RIPOR3: variants seen among roughly 807,000 people sequenced by gnomAD.
RIPOR3 encodes RIPOR family member 3.
A neutral mutation model predicts 114.3 loss-of-function variants in RIPOR3; 95 were observed. That is an observed-to-expected ratio of 0.83 (90% confidence interval 0.70 to 0.99). The LOEUF (loss-of-function observed/expected upper bound fraction) is 0.99, where lower values mean the gene tolerates loss of function less well. RIPOR3 is among the 50% of genes least tolerant of loss of function. The pLI is 0.00. For missense variants in RIPOR3, 1,252 were observed against 1,266.9 expected, an observed-to-expected ratio of 0.99 and a Z score of 0.18; for synonymous variants, 575 against 543.8, an observed-to-expected ratio of 1.06 and a Z score of -0.80.
chr20:50,594,783 TC>T (rs2083232373), intron 16 of RIPOR3, 69 bp from the exon 17 acceptor site: 1 of 1,537,108 alleles, frequency 6.5e-7, no homozygotes, highest in Non-Finnish European at 8.8e-7. Context: ...CCGAAAGGTT[TC>T]CCTCCACTAG....
rs764576044 is a variant in RIPOR3, at chr20:50,602,115, C to T, written c.1616G>A (p.Arg539Gln). ...RPTDSTQPQL[R>Q]ELEYQVLGFR... Reference sequence around the variant, plus strand: ...GCCGAGGACCTGGTACTCCAGCTCCCGGAGCTGGGGCTGGGTGGAGTCCGT... The same window carrying T: ...GCCGAGGACCTGGTACTCCAGCTCCTGGAGCTGGGGCTGGGTGGAGTCCGT... Residue 539 changes from arginine to glutamine, a missense_variant, in exon 13 of 22, where the codon CGG (arginine) becomes CAG (glutamine). Coordinates refer to ENST00000327979, the MANE Select transcript of RIPOR3 (RefSeq NM_001290268.2). The surrounding 1 kb of genome is among the most constrained non-coding windows in gnomAD (Gnocchi z 4.3). The T allele has an allele frequency of 6.6e-5, 106 of 1,603,348 alleles. No individual in the cohort carries two copies. The highest frequency in any genetic ancestry group is 8.9e-5 in the Non-Finnish European group (104 of 1,174,786).
Position 50,608,508 on chromosome 20 carries a change from C to A in RIPOR3, c.837G>T (p.Ser279=), listed in dbSNP as rs140498431. The A allele has an allele frequency of 6.2e-7, 1 of 1,613,830 alleles. No homozygotes were observed. Among genetic ancestry groups the A allele is most frequent in the East Asian group, 2.2e-5 (1 of 44,864 alleles). ...CACACGTCACTGCACCCACAGCCAG[C>A]GAGCCCAGGCCCCGCAACTCCGTCA... ...IKVTELRGLG[S]LAVGAVTCDI... Residue 279 remains serine, a synonymous_variant, in exon 11 of 22, where the codon TCG becomes TCT. Coordinates refer to ENST00000327979, the MANE Select transcript of RIPOR3 (RefSeq NM_001290268.2).
chr20:50,674,194 C>T (rs959159827), intron 1 of RIPOR3, among the ~76,000 whole-genome samples: 1 of 152,090 alleles, frequency 6.6e-6, no homozygotes, highest in African/African-American at 2.4e-5. Flanking sequence ...ACAGAAAGTA[C>T]AGCCGACTCC....
intron 13 of RIPOR3, 151 bp from the exon 14 acceptor site, chr20:50,597,861 G>T: frequency 8.0e-7 from 1 of 1,247,912 alleles, no homozygotes; most frequent in Non-Finnish European, 1.1e-6. Flanking sequence ...CCAGCCGCTG[G>T]CCCAAGGCGT....
intron 1 of RIPOR3, among the ~76,000 whole-genome samples, chr20:50,654,564 A>G (rs2085741975): frequency 6.6e-6 from 1 of 151,126 alleles, no homozygotes; most frequent in Admixed American, 6.7e-5. Flanking sequence ...AGTCCCCAGC[A>G]CTAAGAGGAC....
Position 50,609,267 on chromosome 20 carries a change from C to T in RIPOR3, c.640+26G>A, listed in dbSNP as rs780282315. On this transcript the variant is annotated intron_variant, in intron 8 of 21. Coordinates refer to ENST00000327979, the MANE Select transcript of RIPOR3 (RefSeq NM_001290268.2). ...GTCTCAGGGCCTCCAGAAAGGCCTC[C>T]GCCCACCCCCTCTCAGCCCTGTTAC... 3.8e-5 allele frequency: 62 copies of T among 1,611,086 alleles called. No individual in the cohort carries two copies. The East Asian group carries it at 9.6e-4, about 25-fold the overall frequency.
intron 2 of RIPOR3, among the ~76,000 whole-genome samples, chr20:50,625,312 T>C (rs1357359501): frequency 6.6e-6 from 1 of 152,242 alleles, no homozygotes; most frequent in South Asian, 2.1e-4. Flanking sequence ...GCTCAAGTGA[T>C]CCGCCTGCCT....
At chr20:50,617,090 C>G (rs1044768604) in intron 3 of RIPOR3, among the ~76,000 whole-genome samples, 1 of 151,942 alleles carries the variant, frequency 6.6e-6, no homozygotes, top group Non-Finnish European at 1.5e-5. Flanking sequence ...TGCAGTGAGC[C>G]GAGATTGCAC....
chr20:50,685,222 AT>A (rs35813074), intron 1 of RIPOR3, among the ~76,000 whole-genome samples: 98 of 127,988 alleles, frequency 7.7e-4, no homozygotes, highest in African/African-American at 1.7e-3. Flanking sequence ...ATGGGATAGA[AT>A]TTTTTTTTTT....
At chr20:50,589,346 C>T (rs2083036817) in intron 20 of RIPOR3, among the ~76,000 whole-genome samples, 1 of 148,044 alleles carries the variant, frequency 6.8e-6, no homozygotes, top group South Asian at 2.1e-4. Context: ...CTTGCTCTGT[C>T]ACCCAGGCTG....
intron 1 of RIPOR3, among the ~76,000 whole-genome samples, chr20:50,649,360 G>A (rs898406746): frequency 1.3e-5 from 2 of 152,150 alleles, no homozygotes; most frequent in South Asian, 2.1e-4. Context: ...CAGGAGAATC[G>A]CTCAAACCCA....
intron 1 of RIPOR3, among the ~76,000 whole-genome samples, chr20:50,668,630 G>A (rs1019341549): frequency 1.3e-5 from 2 of 152,188 alleles, no homozygotes; most frequent in African/African-American, 4.8e-5. Flanking sequence ...GTCAAGGCGG[G>A]CGGATCACTT....
chr20:50,615,821 C>T (rs1245811167), intron 4 of RIPOR3, among the ~76,000 whole-genome samples, 181 bp downstream of exon 4: 2 of 152,198 alleles, frequency 1.3e-5, no homozygotes, highest in Non-Finnish European at 2.9e-5. Context: ...GGGCCTAAAA[C>T]GTGTGAACTG....
At chr20:50,595,108 A>G in intron 16 of RIPOR3, 1 of 536,672 alleles carries the variant, frequency 1.9e-6, no homozygotes, top group Non-Finnish European at 3.3e-6. Context: ...CCTCCTATGC[A>G]GATAGGGAAG....
chr20:50,602,554 G>A lies in RIPOR3; in HGVS notation c.1177C>T (p.Arg393Trp), dbSNP rs765025782. Residue 393 changes from arginine to tryptophan, a missense_variant, in exon 13 of 22, where the codon CGG (arginine) becomes TGG (tryptophan). By Grantham distance (101) the Arg-to-Trp change is moderately radical (BLOSUM62 -3). Transcript: ENST00000327979. The surrounding 1 kb of genome is among the most constrained non-coding windows in gnomAD (Gnocchi z 4.3). The part of the protein sequence containing the change: ...ILSYLSDSDL[R>W]GPSLRSQSQE... Reference sequence around the variant, plus strand: ...CTCTGGCTTCTTAGGCTGGGACCCCGGAGGTCGCTGTCAGACAGGTAGCTG... The same window carrying A: ...CTCTGGCTTCTTAGGCTGGGACCCCAGAGGTCGCTGTCAGACAGGTAGCTG... The A allele has an allele frequency of 1.9e-5, 29 of 1,547,696 alleles. No homozygotes were observed. In the South Asian group the frequency reaches 2.6e-4, roughly 14 times the overall value.
chr20:50,668,368 C>T (rs1391333558), intron 1 of RIPOR3, among the ~76,000 whole-genome samples: 2 of 152,170 alleles, frequency 1.3e-5, no homozygotes, highest in Non-Finnish European at 1.5e-5. Flanking sequence ...CCACTGTGGT[C>T]CCCTGGTGGT....
chr20:50,685,836 A>AC (rs1555878249), intron 1 of RIPOR3, among the ~76,000 whole-genome samples: 2 of 147,902 alleles, frequency 1.4e-5, no homozygotes, highest in African/African-American at 2.5e-5. Context: ...AAAAAAAAAA[A>AC]CCCTCCTCTT....
chr20:50,609,277 C>A lies in RIPOR3; in HGVS notation c.640+16G>T, dbSNP rs777925594. 3 of 1,613,266 alleles carry A rather than the reference C, an allele frequency of 1.9e-6. No individual in the cohort carries two copies. The highest frequency in any genetic ancestry group is 2.5e-6 in the Non-Finnish European group (3 of 1,179,482). Reference sequence around the variant, plus strand: ...CTCCAGAAAGGCCTCCGCCCACCCCCTCTCAGCCCTGTTACCTTTCATCCT... The same window carrying A: ...CTCCAGAAAGGCCTCCGCCCACCCCATCTCAGCCCTGTTACCTTTCATCCT... On this transcript the variant is annotated intron_variant, in intron 8 of 21. Coordinates refer to ENST00000327979, the MANE Select transcript of RIPOR3 (RefSeq NM_001290268.2).
intron 1 of RIPOR3, among the ~76,000 whole-genome samples, chr20:50,688,706 C>T (rs772653853): frequency 4.6e-5 from 7 of 152,108 alleles, no homozygotes; most frequent in Non-Finnish European, 8.8e-5. Flanking sequence ...CACTAAACAG[C>T]GGGAAGCTTT....
Sources: allele counts gnomAD v4.1 joint callset (sites outside exome capture counted in the v4.1 genomes callset), GRCh38; gene constraint gnomAD v4.1.1; non-coding constraint Gnocchi (gnomAD v3.1); transcripts MANE v1.5; gene names NCBI Gene and HGNC (gene_info 2026-07-23, HGNC 2026-07-21).